WDPCP: variants seen among roughly 807,000 people sequenced by gnomAD.
WDPCP encodes WD repeat-containing and planar cell polarity effector protein fritz homolog.
In WDPCP, 71 loss-of-function variants were observed where a neutral mutation model predicts 93.1. That is an observed-to-expected ratio of 0.76 (90% CI 0.63 to 0.93). The LOEUF (loss-of-function observed/expected upper bound fraction) is 0.93, where lower values mean the gene tolerates loss of function less well. Ranked by LOEUF, WDPCP falls within the 40% of genes least tolerant of loss-of-function variation. The pLI, the probability that WDPCP is intolerant of heterozygous loss-of-function variation, is 0.00. For synonymous variants in WDPCP, 315 were observed against 315.0 expected, an observed-to-expected ratio of 1.00 and a Z score of 0.00; for missense variants, 844 against 887.4, an observed-to-expected ratio of 0.95 and a Z score of 0.62.
chr2:63,397,581 G>T (rs925411358), intron 10 of WDPCP, among the ~76,000 whole-genome samples: 2 of 152,182 alleles, frequency 1.3e-5, no homozygotes, highest in African/African-American at 4.8e-5. Flanking sequence ...TGAGTAGGCA[G>T]AAGAAGAGCA....
chr2:63,834,431 TC>T, the WDPCP span, among the ~76,000 whole-genome samples: 1 of 152,194 alleles, frequency 6.6e-6, no homozygotes, highest in Non-Finnish European at 1.5e-5. Flanking sequence ...CTCCAAATTC[TC>T]ATTTTTTTTT....
At chr2:63,623,146 T>C (rs1205133267) in intron 3 of WDPCP, among the ~76,000 whole-genome samples, 1 of 152,140 alleles carries the variant, frequency 6.6e-6, no homozygotes, top group African/African-American at 2.4e-5. Flanking sequence ...CTGAGAGATT[T>C]TTTCACCACC....
At chr2:63,583,903 C>T (rs553592462) in intron 1 of WDPCP, among the ~76,000 whole-genome samples, 9 of 152,108 alleles carry the variant, frequency 5.9e-5, no homozygotes, top group African/African-American at 2.2e-4. Context: ...CCCAGGCGTT[C>T]TAGACCAGCC....
chr2:63,755,926 A>G (rs1669961333), intron 2 of WDPCP, among the ~76,000 whole-genome samples: 2 of 152,252 alleles, frequency 1.3e-5, no homozygotes, highest in African/African-American at 4.8e-5. Flanking sequence ...GCACTGACTT[A>G]GGTCAGAGAC....
At chr2:63,705,663 A>T (rs922657836) in intron 2 of WDPCP, among the ~76,000 whole-genome samples, 10 of 151,994 alleles carry the variant, frequency 6.6e-5, no homozygotes, top group Non-Finnish European at 1.2e-4. Flanking sequence ...TCTGAGAGAC[A>T]GTTTTTTATA....
At chr2:63,378,129 C>T (rs1692005301) in intron 12 of WDPCP, 1 of 462,902 alleles carries the variant, frequency 2.2e-6, no homozygotes, top group Non-Finnish European at 3.9e-6. Context: ...TCTACATTGA[C>T]TTTACATAGC....
intron 6 of WDPCP, among the ~76,000 whole-genome samples, chr2:63,462,576 A>G (rs370590425): frequency 3.2e-4 from 48 of 152,262 alleles, no homozygotes; most frequent in African/African-American, 1.0e-3. Flanking sequence ...AGGGGCACAC[A>G]CGGAATAGAC....
intron 2 of WDPCP, among the ~76,000 whole-genome samples, chr2:63,490,140 C>T (rs1700793388): frequency 6.7e-6 from 1 of 148,596 alleles, no homozygotes; most frequent in Admixed American, 6.7e-5. Context: ...GAAGAATAAC[C>T]CAGAATGAAG....
intron 2 of WDPCP, among the ~76,000 whole-genome samples, chr2:63,665,105 A>G (rs1710267812): frequency 6.6e-6 from 1 of 152,244 alleles, no homozygotes. Context: ...GCCTAGGATA[A>G]GAGAGTTTAA....
intron 14 of WDPCP, among the ~76,000 whole-genome samples, chr2:63,193,822 C>G (rs898747071): frequency 1.3e-5 from 2 of 152,130 alleles, no homozygotes; most frequent in Admixed American, 1.3e-4. Context: ...GTAACTTTTA[C>G]AACCCAGGTT....
At chr2:63,192,480 C>G (rs1011458655) in intron 14 of WDPCP, among the ~76,000 whole-genome samples, 2 of 152,128 alleles carry the variant, frequency 1.3e-5, no homozygotes, top group Non-Finnish European at 2.9e-5. Flanking sequence ...TTCAGTTAGC[C>G]CATTTGCATA....
At chr2:63,677,591 C>T (rs575998516) in intron 2 of WDPCP, among the ~76,000 whole-genome samples, 1 of 152,136 alleles carries the variant, frequency 6.6e-6, no homozygotes, top group African/African-American at 2.4e-5. Context: ...AAGAAACAGC[C>T]ATAAGATTAA....
At chr2:63,499,816 C>T (rs951940192) in intron 1 of WDPCP, among the ~76,000 whole-genome samples, 1 of 152,166 alleles carries the variant, frequency 6.6e-6, no homozygotes, top group African/African-American at 2.4e-5. Flanking sequence ...AACAGGCATG[C>T]CTGCATCATC....
chr2:63,758,967 G>T (rs186035995), intron 2 of WDPCP, among the ~76,000 whole-genome samples: 81 of 151,732 alleles, frequency 5.3e-4, no homozygotes, highest in African/African-American at 1.9e-3. Flanking sequence ...TTTTAGTAGA[G>T]ACGGGGTTTC....
intron 15 of WDPCP, among the ~76,000 whole-genome samples, chr2:63,160,865 T>C (rs990806820): frequency 6.6e-6 from 1 of 152,188 alleles, no homozygotes; most frequent in African/African-American, 2.4e-5. Context: ...ATACATTATA[T>C]ATCTCATGTT....
chr2:63,516,467 G>A (rs773031998), intron 1 of WDPCP, among the ~76,000 whole-genome samples: 9 of 152,134 alleles, frequency 5.9e-5, no homozygotes, highest in African/African-American at 9.7e-5. Context: ...CCTCTGTGAG[G>A]CTCAGAGCCT....
chr2:63,331,022 C>T (rs1476445640), intron 12 of WDPCP, among the ~76,000 whole-genome samples: 1 of 151,934 alleles, frequency 6.6e-6, no homozygotes, highest in African/African-American at 2.4e-5. Context: ...GATGTGCACA[C>T]CCAGCTAGTT....
intron 3 of WDPCP, among the ~76,000 whole-genome samples, chr2:63,632,201 CA>C (rs1305930180): frequency 6.6e-6 from 1 of 152,122 alleles, no homozygotes; most frequent in Non-Finnish European, 1.5e-5. Context: ...CCACAAAAAC[CA>C]ATTTGTAAAA....
chr2:63,680,640 C>T (rs1056691421), intron 2 of WDPCP, among the ~76,000 whole-genome samples: 1 of 152,170 alleles, frequency 6.6e-6, no homozygotes, highest in South Asian at 2.1e-4. Flanking sequence ...GACTGCAATT[C>T]CTAGTGCTGT....
Sources: gnomAD v4.1 joint callset for allele counts (sites outside exome capture counted in the v4.1 genomes callset) on GRCh38, gnomAD v4.1.1 for gene constraint, MANE v1.5 for transcripts, NCBI Gene and HGNC (gene_info 2026-07-23, HGNC 2026-07-21) for gene names.